L3MBTL4: variants seen among roughly 807,000 people sequenced by gnomAD.
L3MBTL4 encodes lethal(3)malignant brain tumor-like protein 4.
L3MBTL4 carries 70 observed loss-of-function variants against 84.5 expected under a neutral mutation model. That is an observed-to-expected ratio of 0.83 (90% confidence interval 0.68 to 1.01). The LOEUF (loss-of-function observed/expected upper bound fraction) is 1.01, where lower values mean the gene tolerates loss of function less well. L3MBTL4 is among the 50% of genes least tolerant of loss of function. The pLI, the probability that L3MBTL4 is intolerant of heterozygous loss-of-function variation, is 0.00. For missense variants in L3MBTL4, 715 were observed against 754.8 expected, an observed-to-expected ratio of 0.95 and a Z score of 0.62; for synonymous variants, 274 against 259.8, an observed-to-expected ratio of 1.05 and a Z score of -0.52.
At chr18:6,177,305 GT>G (rs2044266600) in intron 12 of L3MBTL4, among the ~76,000 whole-genome samples, 1 of 152,192 alleles carries the variant, frequency 6.6e-6, no homozygotes, top group Non-Finnish European at 1.5e-5. Context: ...GGGATAAACT[GT>G]TTACACATGC....
chr18:6,181,179 C>A (rs1050397075), intron 12 of L3MBTL4, among the ~76,000 whole-genome samples: 1 of 150,164 alleles, frequency 6.7e-6, no homozygotes, highest in Non-Finnish European at 1.5e-5. Flanking sequence ...TTGCATTTTA[C>A]ATTCTTTTTT....
At chr18:6,062,481 T>C (rs1215814220) in intron 16 of L3MBTL4, among the ~76,000 whole-genome samples, 1 of 152,026 alleles carries the variant, frequency 6.6e-6, no homozygotes, top group Non-Finnish European at 1.5e-5. Context: ...TCCTTCTTGG[T>C]ATTCTTTGTG....
chr18:6,292,659 G>A (rs66832808), intron 4 of L3MBTL4, among the ~76,000 whole-genome samples: 28,737 of 152,078 alleles, frequency 0.19, 2,848 homozygotes, highest in African/African-American at 0.24. Context: ...TCAGAAACAG[G>A]TTTTGATCAA....
intron 4 of L3MBTL4, among the ~76,000 whole-genome samples, chr18:6,295,309 A>ACTCTCTCTCT (rs58507219): frequency 8.0e-4 from 50 of 62,724 alleles, no homozygotes; most frequent in East Asian, 2.5e-3. Context: ...AACAACAACA[A>ACTCTCTCTCT]CTCTCTCTCT....
intron 16 of L3MBTL4, chr18:6,030,042 C>T: frequency 9.1e-6 from 9 of 985,406 alleles, no homozygotes; most frequent in Non-Finnish European, 1.1e-5. Context: ...GTGTGCCGCT[C>T]CATGTGTTAA....
chr18:6,398,315 G>C (rs1004504593), intron 1 of L3MBTL4, among the ~76,000 whole-genome samples: 2 of 152,186 alleles, frequency 1.3e-5, no homozygotes, highest in Non-Finnish European at 2.9e-5. Context: ...GGGAGAAGTG[G>C]CTCTGTAATG....
At chr18:6,041,401 T>G (rs1050170652) in intron 16 of L3MBTL4, among the ~76,000 whole-genome samples, 8 of 152,152 alleles carry the variant, frequency 5.3e-5, no homozygotes, top group African/African-American at 1.9e-4. Flanking sequence ...CCCCCCTAAT[T>G]TCTCCAACCT....
intron 1 of L3MBTL4, among the ~76,000 whole-genome samples, chr18:6,336,941 T>C (rs1402568680): frequency 1.3e-5 from 2 of 152,186 alleles, no homozygotes; most frequent in East Asian, 1.9e-4. Flanking sequence ...TGAAAGACAG[T>C]ATATTTCACC....
intron 4 of L3MBTL4, among the ~76,000 whole-genome samples, chr18:6,297,742 G>A (rs2050165938): frequency 6.6e-6 from 1 of 152,184 alleles, no homozygotes; most frequent in Admixed American, 6.5e-5. Flanking sequence ...ACTTAGAGAT[G>A]ATAATTGTTA....
chr18:6,270,592 C>T (rs566009846), intron 4 of L3MBTL4, among the ~76,000 whole-genome samples: 3 of 152,176 alleles, frequency 2.0e-5, no homozygotes, highest in Non-Finnish European at 2.9e-5. Context: ...GAAAGCTCCC[C>T]GGAGGACAAT....
At chr18:5,996,429 TG>T (rs2053969666) in intron 16 of L3MBTL4, among the ~76,000 whole-genome samples, 1 of 152,194 alleles carries the variant, frequency 6.6e-6, no homozygotes, top group Non-Finnish European at 1.5e-5. Flanking sequence ...TGTACGTTTT[TG>T]TTTTTGTTTT....
rs1014246624 is a variant in L3MBTL4, at chr18:6,311,617, C to G, written c.9G>C (p.Gln3His). Residue 3 changes from glutamine to histidine, a missense_variant, in exon 3 of 19, where the codon CAG (glutamine) becomes CAC (histidine). Coordinates refer to ENST00000317931, the MANE Select transcript of L3MBTL4 (RefSeq NM_001330559.2). ...TATTAAGCTTCCTTTTCCTGTTGGG[C>G]TGTTTCATTGCCACCCCCGCACTCC... MK[Q>H]PNRKRKLNMD... 25 of 1,613,518 alleles carry G rather than the reference C, an allele frequency of 1.5e-5. No homozygotes were observed. Among genetic ancestry groups the G allele is most frequent in the Non-Finnish European group, 2.0e-5 (24 of 1,179,762 alleles).
At position 5,955,257 on chromosome 18, in the gene L3MBTL4, C is replaced by T. The variant is rs1457388455; in HGVS notation, c.*963G>A. 6.6e-6 allele frequency: 1 copy of T among 152,236 alleles called. No individual in the cohort carries two copies. The highest frequency in any genetic ancestry group is 1.5e-5 in the Non-Finnish European group (1 of 68,052). The allele number at this position is 152,236 out of a possible 1,614,324, so 9.4% of individuals were successfully genotyped here. ...TTTCAAACAAAGAATAAGTACCACGCTCCCTACTTTAGAGATCTTCCCTTT... is the reference window on the plus strand; with the variant it reads ...TTTCAAACAAAGAATAAGTACCACGTTCCCTACTTTAGAGATCTTCCCTTT... On this transcript the variant is annotated 3_prime_UTR_variant, in exon 19 of 19. Coordinates refer to ENST00000317931, the MANE Select transcript of L3MBTL4 (RefSeq NM_001330559.2).
At chr18:5,958,632 G>A (rs1237594237) in intron 18 of L3MBTL4, among the ~76,000 whole-genome samples, 1 of 152,118 alleles carries the variant, frequency 6.6e-6, no homozygotes, top group Admixed American at 6.5e-5. Flanking sequence ...AGCTTCTAAG[G>A]GGCAAAGTTG....
chr18:6,216,390 T>A (rs990948434), intron 10 of L3MBTL4, among the ~76,000 whole-genome samples: 1 of 152,180 alleles, frequency 6.6e-6, no homozygotes, highest in South Asian at 2.1e-4. Context: ...TTTCTCTTTA[T>A]GTTTGTGTTC....
chr18:6,202,532 T>C (rs1486347746), intron 12 of L3MBTL4, among the ~76,000 whole-genome samples: 2 of 152,108 alleles, frequency 1.3e-5, no homozygotes, highest in African/African-American at 4.8e-5. Flanking sequence ...TCTTCAGTGG[T>C]CCAGGTGAGA....
intron 7 of L3MBTL4, among the ~76,000 whole-genome samples, chr18:6,242,334 G>C (rs1194297721): frequency 6.6e-6 from 1 of 152,136 alleles, no homozygotes; most frequent in Non-Finnish European, 1.5e-5. Context: ...GGAACATTAT[G>C]TCCACAGAGA....
intron 13 of L3MBTL4, among the ~76,000 whole-genome samples, chr18:6,146,438 G>A (rs769456510): frequency 6.6e-6 from 1 of 152,168 alleles, no homozygotes. Flanking sequence ...GGAACTCAGC[G>A]AGTAGAGGAA....
chr18:6,173,634 G>T (rs988999639), intron 12 of L3MBTL4, among the ~76,000 whole-genome samples: 1 of 151,970 alleles, frequency 6.6e-6, no homozygotes, highest in Non-Finnish European at 1.5e-5. Flanking sequence ...ACAAAAACTA[G>T]CCAGGTGTGT....
Sources: allele counts gnomAD v4.1 joint callset (sites outside exome capture counted in the v4.1 genomes callset), GRCh38; gene constraint gnomAD v4.1.1; transcripts MANE v1.5; gene names NCBI Gene and HGNC (gene_info 2026-07-23, HGNC 2026-07-21).